The following GNA15 variants were observed in gnomAD, a reference collection of about 807,000 sequenced individuals.
GNA15 encodes guanine nucleotide-binding protein subunit alpha-15.
A neutral mutation model predicts 40.1 loss-of-function variants in GNA15; 23 were observed. That is an observed-to-expected ratio of 0.57 (90% CI 0.41 to 0.81). The LOEUF (loss-of-function observed/expected upper bound fraction) is 0.81. GNA15 is among the 40% of genes least tolerant of loss of function. GNA15 has a pLI of 0.00. For missense variants in GNA15, 522 were observed against 515.8 expected (o/e 1.01, Z -0.12); for synonymous variants, 226 against 210.4 (o/e 1.07, Z -0.64).
intron 6 of GNA15, among the ~76,000 whole-genome samples, chr19:3,159,525 A>C (rs1338956811): frequency 6.7e-5 from 10 of 150,162 alleles, no homozygotes; most frequent in Non-Finnish European, 1.5e-4. Context: ...TTGTGTTTTT[A>C]GTAGAGACGG....
chr19:3,136,113 T>G lies in GNA15; in HGVS notation c.-338T>G, dbSNP rs1914450482. Reference sequence around the variant, plus strand: ...TTTCCCGCCACCGCCCCGCCCTCCCTGGGGCCCCCACCTCACCCTCTCCTG... The same window carrying G: ...TTTCCCGCCACCGCCCCGCCCTCCCGGGGGCCCCCACCTCACCCTCTCCTG... On this transcript the variant is annotated 5_prime_UTR_variant, in exon 1 of 7. Transcript: ENST00000262958. This position sits in a 1 kb window ranked among gnomAD's most constrained non-coding sequence, Gnocchi z 4.9. 3.6e-5 allele frequency: 6 copies of G among 166,862 alleles called. No individual in the cohort carries two copies. Among genetic ancestry groups the G allele is most frequent in the East Asian group, 1.9e-4 (1 of 5,212 alleles). The allele number at this position is 166,862 out of a possible 1,614,324, so 10.3% of individuals were successfully genotyped here.
chr19:3,141,645 C>G (rs1227340108), intron 1 of GNA15: 1 of 152,268 alleles, frequency 6.6e-6, no homozygotes, highest in Non-Finnish European at 1.5e-5. Context: ...ATCCATCTGC[C>G]TTGGCCTCCC....
At chr19:3,156,472 A>G (rs1191113227) in intron 5 of GNA15, among the ~76,000 whole-genome samples, 5 of 151,454 alleles carry the variant, frequency 3.3e-5, no homozygotes, top group Non-Finnish European at 1.5e-5. Flanking sequence ...ACACAGGCAC[A>G]CACACGCACA....
At chr19:3,160,389 G>T (rs1345039450) in intron 6 of GNA15, among the ~76,000 whole-genome samples, 1 of 152,120 alleles carries the variant, frequency 6.6e-6, no homozygotes, top group Non-Finnish European at 1.5e-5. Flanking sequence ...CTCTTCACAT[G>T]GTTTGAGCTT....
At chr19:3,156,163 G>GACACACACACACAC (rs141415003) in intron 5 of GNA15, among the ~76,000 whole-genome samples, 33 of 136,042 alleles carry the variant, frequency 2.4e-4, no homozygotes, top group African/African-American at 8.4e-4. Flanking sequence ...CAGGACCCCA[G>GACACACACACACAC]ACACACACAC....
intron 5 of GNA15, among the ~76,000 whole-genome samples, chr19:3,156,365 CTT>C (rs1489916163): frequency 6.6e-6 from 1 of 151,936 alleles, no homozygotes; most frequent in Non-Finnish European, 1.5e-5. Context: ...CACATGCACA[CTT>C]GCATGCACTC....
intron 1 of GNA15, among the ~76,000 whole-genome samples, chr19:3,141,329 A>T (rs1914570746): frequency 6.6e-6 from 1 of 152,134 alleles, no homozygotes. Context: ...AAAGTGAACA[A>T]CAACAAAAAC....
At chr19:3,159,100 C>T (rs2144863530) in intron 6 of GNA15, among the ~76,000 whole-genome samples, 1 of 152,208 alleles carries the variant, frequency 6.6e-6, no homozygotes, top group South Asian at 2.1e-4. Context: ...TCTCAGCTCA[C>T]TGCAAGCTCT....
intron 4 of GNA15, among the ~76,000 whole-genome samples, chr19:3,154,161 T>TGGGA (rs1568297888): frequency 1.7e-5 from 2 of 120,796 alleles, no homozygotes; most frequent in Admixed American, 8.1e-5. Context: ...GATGGATGGG[T>TGGGA]GGGATGGATG....
chr19:3,150,433 C>T (rs1914853323), intron 3 of GNA15, 148 bp downstream of exon 3: 16 of 678,620 alleles, frequency 2.4e-5, no homozygotes, highest in South Asian at 2.2e-4. Context: ...CCAGGGGGAC[C>T]CTAATTCCCG....
intron 5 of GNA15, among the ~76,000 whole-genome samples, 160 bp from the exon 6 acceptor site, chr19:3,157,568 G>T (rs1488102810): frequency 6.6e-6 from 1 of 152,226 alleles, no homozygotes; most frequent in African/African-American, 2.4e-5. Flanking sequence ...CACCCAGGCA[G>T]CTGTCCATAT....
rs902119948 is a variant in GNA15 at position 3,150,192 on chromosome 19, A to G, written c.392A>G (p.Tyr131Cys). 3.1e-6 allele frequency: 5 copies of G among 1,613,130 alleles called. No homozygotes were observed. Among genetic ancestry groups the G allele is most frequent in the Non-Finnish European group, 3.4e-6 (4 of 1,179,758 alleles). ...PYKVTTFEKR[Y>C]AAAMQWLWRD... ...AAAGTGACCACGTTTGAGAAGCGCT[A>G]CGCTGCGGCCATGCAGTGGCTGTGG... The change falls in exon 3 of 7, where the codon TAC becomes TGC. Residue 131 changes from tyrosine to cysteine, a missense_variant. Physicochemically the swap from Tyr to Cys is radical, Grantham distance 194. Coordinates refer to ENST00000262958, the MANE Select transcript of GNA15 (RefSeq NM_002068.4).
chr19:3,144,185 G>C (rs939065116), intron 1 of GNA15, among the ~76,000 whole-genome samples: 1 of 151,300 alleles, frequency 6.6e-6, no homozygotes, highest in Non-Finnish European at 1.5e-5. Context: ...CAGATGGTGG[G>C]ACTCCAGCTC....
Position 3,150,260 on chromosome 19 carries a change from T to C in GNA15, c.460T>C (p.Phe154Leu). ...IRACYERRRE[F>L]HLLDSAVYYL... ...GGCCTGCTATGAGCGTCGGCGGGAA[T>C]TCCACCTGCTCGATTCAGCCGTGTA... The change falls in exon 3 of 7, where the codon TTC (phenylalanine) becomes CTC (leucine). Residue 154 changes from phenylalanine to leucine, a missense_variant. Phe to Leu is a conservative substitution (Grantham distance 22, BLOSUM62 0). Coordinates refer to ENST00000262958, the MANE Select transcript of GNA15 (RefSeq NM_002068.4). 2 of 1,602,762 alleles carry C rather than the reference T, an allele frequency of 1.2e-6. No individual in the cohort carries two copies. The highest frequency in any genetic ancestry group is 1.7e-6 in the Non-Finnish European group (2 of 1,174,706).
In GNA15 at chr19:3,151,862, AG is replaced by A; in HGVS notation, c.614+32del. On this transcript the variant is annotated intron_variant, in intron 4 of 6. Coordinates refer to ENST00000262958, the MANE Select transcript of GNA15 (RefSeq NM_002068.4). This position sits in a 1 kb window ranked among gnomAD's most constrained non-coding sequence, Gnocchi z 5.0. The stretch of plus-strand genomic sequence containing the variant: ...TGAGCGCTCCACCTAGGCCCAGCCT[AG>A]GGGGCAGGGAAGGCTTCCTGTAGGA... The A allele has an allele frequency of 1.3e-6, 2 of 1,561,838 alleles. No individual in the cohort carries two copies. The highest frequency in any genetic ancestry group is 1.2e-5 in the South Asian group (1 of 86,136).
At chr19:3,162,598 A>C (rs1439724977) in intron 6 of GNA15, among the ~76,000 whole-genome samples, 195 bp from the exon 7 acceptor site, 2 of 152,176 alleles carry the variant, frequency 1.3e-5, no homozygotes, top group African/African-American at 4.8e-5. Context: ...GTGTGAGACA[A>C]TCTCCTGTGT....
At chr19:3,153,135 G>A (rs751170797) in intron 4 of GNA15, among the ~76,000 whole-genome samples, 3 of 152,060 alleles carry the variant, frequency 2.0e-5, no homozygotes, top group Admixed American at 2.0e-4. Flanking sequence ...GAAGGTCTGC[G>A]GCTTCATTCT....
intron 1 of GNA15, among the ~76,000 whole-genome samples, chr19:3,145,212 C>T (rs897063925): frequency 5.3e-5 from 8 of 150,218 alleles, no homozygotes; most frequent in Non-Finnish European, 8.9e-5. Flanking sequence ...TTCTGTCACC[C>T]AGGCTGGAGT....
At chr19:3,139,099 C>T (rs1375954344) in intron 1 of GNA15, among the ~76,000 whole-genome samples, 1 of 149,906 alleles carries the variant, frequency 6.7e-6, no homozygotes, top group African/African-American at 2.5e-5. Context: ...GTGCGCACTA[C>T]CACACCTGGC....
Sources: allele counts gnomAD v4.1 joint callset (sites outside exome capture counted in the v4.1 genomes callset), GRCh38; gene constraint gnomAD v4.1.1; non-coding constraint Gnocchi (gnomAD v3.1); transcripts MANE v1.5; gene names NCBI Gene and HGNC (gene_info 2026-07-23, HGNC 2026-07-21).